The following CACNA2D3 variants were observed in gnomAD, a reference collection of about 807,000 sequenced individuals.
CACNA2D3 encodes voltage-dependent calcium channel subunit alpha-2/delta-3.
A neutral mutation model predicts 160.6 loss-of-function variants in CACNA2D3; 60 were observed. The observed-to-expected ratio is 0.37, with a 90% CI of 0.30 to 0.46. The LOEUF (loss-of-function observed/expected upper bound fraction) is 0.46. Among genes scored for constraint, CACNA2D3 ranks in the 20% least tolerant of loss-of-function variants. The pLI is 1.00. For missense variants in CACNA2D3, 1,205 were observed against 1,365.0 expected (o/e 0.88, Z 1.85); for synonymous variants, 558 against 492.9 (o/e 1.13, Z -1.75).
At chr3:54,968,426 T>C (rs373477139) in intron 27 of CACNA2D3, 24 bp from the exon 28 acceptor site, 11 of 1,553,576 alleles carry the variant, frequency 7.1e-6, no homozygotes, top group African/African-American at 2.7e-5. Context: ...ACTAATGCCT[T>C]GTTTTATTTA....
At chr3:54,783,103 G>A (rs1702565072) in intron 13 of CACNA2D3, among the ~76,000 whole-genome samples, 1 of 152,116 alleles carries the variant, frequency 6.6e-6, no homozygotes, top group Admixed American at 6.5e-5. Flanking sequence ...CTTCTGCCCA[G>A]GTGTGAGACT....
chr3:54,547,911 C>T (rs1337270674), intron 5 of CACNA2D3, among the ~76,000 whole-genome samples: 1 of 152,092 alleles, frequency 6.6e-6, no homozygotes, highest in African/African-American at 2.4e-5. Flanking sequence ...GCAGGCTGGT[C>T]TCAAACTCCT....
At chr3:54,672,897 C>G (rs998066261) in intron 11 of CACNA2D3, among the ~76,000 whole-genome samples, 3 of 152,126 alleles carry the variant, frequency 2.0e-5, no homozygotes, top group Non-Finnish European at 4.4e-5. Context: ...CCAATGACAA[C>G]GATTGTGATG....
intron 2 of CACNA2D3, among the ~76,000 whole-genome samples, chr3:54,222,270 A>G (rs1205873312): frequency 6.6e-6 from 1 of 152,164 alleles, no homozygotes; most frequent in Non-Finnish European, 1.5e-5. Flanking sequence ...AGCCCCCAGA[A>G]CCAGGAGAGC....
rs181828015 is a variant in CACNA2D3 at position 54,825,121 on chromosome 3, C to T, written c.1398+8251C>T. Among the ~76,000 whole-genome samples, 236 of 152,252 alleles carry T rather than the reference C, an allele frequency of 1.6e-3. 1 individual carries two copies. The highest frequency in any genetic ancestry group is 5.4e-3 in the African/African-American group (226 of 41,544). On this transcript the variant is annotated intron_variant, in intron 14 of 37. Transcript: ENST00000474759. Reference sequence around the variant, plus strand: ...TTTTAAGGTGCTAAAACAATACAAACTGTACTCACAACATTGCTGCAATGA... The same window carrying T: ...TTTTAAGGTGCTAAAACAATACAAATTGTACTCACAACATTGCTGCAATGA...
At chr3:55,061,653 A>G (rs1003898599) in intron 35 of CACNA2D3, among the ~76,000 whole-genome samples, 1 of 152,226 alleles carries the variant, frequency 6.6e-6, no homozygotes, top group African/African-American at 2.4e-5. Flanking sequence ...TTTCATGAGC[A>G]CAGGAAAGCT....
intron 21 of CACNA2D3, among the ~76,000 whole-genome samples, chr3:54,882,376 C>T (rs1445369512): frequency 5.3e-5 from 8 of 152,138 alleles, no homozygotes; most frequent in Admixed American, 5.2e-4. Context: ...CCCTTCCTCT[C>T]TCTCTCTCTC....
intron 13 of CACNA2D3, among the ~76,000 whole-genome samples, chr3:54,808,493 T>G (rs1337853034): frequency 2.6e-5 from 4 of 151,988 alleles, no homozygotes; most frequent in Admixed American, 6.6e-5. Flanking sequence ...GGGGTGTAAA[T>G]GAAAAGTCTC....
chr3:54,886,920 C>T (rs1699939086), intron 23 of CACNA2D3, among the ~76,000 whole-genome samples: 1 of 110,162 alleles, frequency 9.1e-6, no homozygotes, highest in South Asian at 3.3e-4. Context: ...CTAGCTTTCG[C>T]TTTTCAGCAA....
At chr3:54,651,179 T>A (rs1432128845) in intron 11 of CACNA2D3, among the ~76,000 whole-genome samples, 1 of 152,034 alleles carries the variant, frequency 6.6e-6, no homozygotes, top group Non-Finnish European at 1.5e-5. Flanking sequence ...GGACAGTAAG[T>A]CCTTTTCCTT....
intron 14 of CACNA2D3, among the ~76,000 whole-genome samples, chr3:54,830,663 C>A (rs1480787737): frequency 6.6e-6 from 1 of 151,994 alleles, no homozygotes; most frequent in Non-Finnish European, 1.5e-5. Flanking sequence ...CCACGTTGGC[C>A]AAGCTGGTCT....
chr3:54,151,919 C>G (rs1375571874), intron 2 of CACNA2D3, among the ~76,000 whole-genome samples: 1 of 152,206 alleles, frequency 6.6e-6, no homozygotes, highest in African/African-American at 2.4e-5. Flanking sequence ...ATACTGTTCC[C>G]TGCTAAATCC....
At chr3:54,471,064 T>A (rs751435728) in intron 4 of CACNA2D3, among the ~76,000 whole-genome samples, 2 of 152,316 alleles carry the variant, frequency 1.3e-5, no homozygotes, top group East Asian at 3.9e-4. Context: ...GCAGACCTAA[T>A]AGACATCTAC....
Position 54,756,480 on chromosome 3 carries a change from G to T in CACNA2D3, c.1246+3803G>T, listed in dbSNP as rs569212149. 3.9e-5 allele frequency among the ~76,000 whole-genome samples: 6 copies of T among 152,236 alleles called. No individual in the cohort carries two copies. The South Asian group carries it at 1.2e-3, about 32-fold the overall frequency. ...AGTCTCAGATTGTTATAGTATGGAG[G>T]CAGCATAACATTTTTCATCTCAAGT... On this transcript the variant is annotated intron_variant, in intron 12 of 37. Transcript: ENST00000474759.
At chr3:54,471,653 G>T (rs1700733594) in intron 4 of CACNA2D3, among the ~76,000 whole-genome samples, 1 of 151,950 alleles carries the variant, frequency 6.6e-6, no homozygotes, top group African/African-American at 2.4e-5. Context: ...TAGACCACTA[G>T]CCAGACTAAT....
At chr3:55,064,519 C>T (rs1477201291) in intron 35 of CACNA2D3, among the ~76,000 whole-genome samples, 1 of 152,166 alleles carries the variant, frequency 6.6e-6, no homozygotes, top group African/African-American at 2.4e-5. Context: ...AAGCCTCAAC[C>T]ACCCCCTCCT....
chr3:54,542,122 C>T (rs534486311), intron 5 of CACNA2D3, among the ~76,000 whole-genome samples: 3 of 151,758 alleles, frequency 2.0e-5, no homozygotes, highest in East Asian at 1.9e-4. Flanking sequence ...AGTGCAGTGG[C>T]GTGATCTCGG....
chr3:54,306,056 G>T (rs1432113031), intron 2 of CACNA2D3, among the ~76,000 whole-genome samples: 1 of 150,994 alleles, frequency 6.6e-6, no homozygotes, highest in Non-Finnish European at 1.5e-5. Flanking sequence ...TGAAAACTGA[G>T]TTTTAATATA....
rs184459897 is a variant in CACNA2D3 at position 54,992,614 on chromosome 3, G to A, written c.2690+4861G>A. ...ATGTCTGAATCCGTCTCTTCCTAGA[G>A]GGAAGAGCCCCCAGCCCATCTTTTT... On this transcript the variant is annotated intron_variant, in intron 31 of 37. Coordinates refer to ENST00000474759, the MANE Select transcript of CACNA2D3 (RefSeq NM_018398.3). Among the ~76,000 whole-genome samples, 244 of 152,026 alleles carry A rather than the reference G, an allele frequency of 1.6e-3. 2 individuals carry two copies. Among genetic ancestry groups the A allele is most frequent in the Middle Eastern group, 6.8e-3 (2 of 294 alleles).
Sources: allele counts gnomAD v4.1 joint callset (sites outside exome capture counted in the v4.1 genomes callset), GRCh38; gene constraint gnomAD v4.1.1; transcripts MANE v1.5; gene names NCBI Gene and HGNC (gene_info 2026-07-23, HGNC 2026-07-21).